The following DPYD variants were observed in gnomAD, a reference collection of about 807,000 sequenced individuals.
DPYD encodes dihydropyrimidine dehydrogenase [NADP(+)].
A neutral mutation model predicts 116.2 loss-of-function variants in DPYD; 109 were observed. That is an observed-to-expected ratio of 0.94 (90% CI 0.80 to 1.10). The LOEUF is 1.10. Among genes scored for constraint, DPYD ranks in the 50% least tolerant of loss-of-function variants. The probability of loss-of-function intolerance (pLI) is 0.00; values close to 1 mark genes in which losing one functional copy is unlikely to be tolerated. For synonymous variants in DPYD, 440 were observed against 432.0 expected, an observed-to-expected ratio of 1.02 and a Z score of -0.23; for missense variants, 1,302 against 1,254.5, an observed-to-expected ratio of 1.04 and a Z score of -0.57.
chr1:97,392,682 C>G (rs895180372), intron 14 of DPYD, among the ~76,000 whole-genome samples: 4 of 152,028 alleles, frequency 2.6e-5, no homozygotes, highest in African/African-American at 9.7e-5. Context: ...AGCATCTTCA[C>G]CAGGAGTAGA....
intron 18 of DPYD, among the ~76,000 whole-genome samples, chr1:97,246,379 G>C (rs12759500): frequency 6.6e-6 from 1 of 152,084 alleles, no homozygotes; most frequent in Non-Finnish European, 1.5e-5. Context: ...TCAGACAACA[G>C]ACACTGCTGA....
chr1:97,499,351 ATTTTT>A (rs1160715294), intron 13 of DPYD, among the ~76,000 whole-genome samples: 1 of 151,758 alleles, frequency 6.6e-6, no homozygotes, highest in Non-Finnish European at 1.5e-5. Context: ...TGAAATAAAT[ATTTTT>A]ATTTTACATC....
chr1:97,373,494 T>G, intron 16 of DPYD, 67 bp downstream of exon 16: 1 of 1,367,386 alleles, frequency 7.3e-7, no homozygotes, highest in Non-Finnish European at 1.0e-6. Flanking sequence ...TAAGGTATAG[T>G]AACTATCCAT....
chr1:97,654,926 G>C, intron 8 of DPYD, among the ~76,000 whole-genome samples: 1 of 152,052 alleles, frequency 6.6e-6, no homozygotes, highest in Admixed American at 6.6e-5. Context: ...GAGAGAATGA[G>C]AACAAAGAGA....
intron 20 of DPYD, among the ~76,000 whole-genome samples, chr1:97,161,942 G>A (rs974185133): frequency 1.3e-5 from 2 of 151,894 alleles, no homozygotes; most frequent in Non-Finnish European, 2.9e-5. Flanking sequence ...TGGTGTATAT[G>A]TGCCACATTT....
chr1:97,481,925 C>T (rs932920901), intron 13 of DPYD, among the ~76,000 whole-genome samples: 2 of 152,128 alleles, frequency 1.3e-5, no homozygotes, highest in Non-Finnish European at 2.9e-5. Context: ...CACATACAAA[C>T]ATTTCTAGAG....
intron 8 of DPYD, among the ~76,000 whole-genome samples, chr1:97,653,654 G>C (rs1316322024): frequency 6.6e-6 from 1 of 152,054 alleles, no homozygotes; most frequent in Non-Finnish European, 1.5e-5. Context: ...GTATTCTCAT[G>C]ATAATTTTTC....
intron 8 of DPYD, among the ~76,000 whole-genome samples, chr1:97,605,859 A>C (rs1655558598): frequency 6.6e-6 from 1 of 152,014 alleles, no homozygotes; most frequent in African/African-American, 2.4e-5. Flanking sequence ...TCATATGCAT[A>C]CCTTTCTTGA....
chr1:97,768,484 T>A (rs77889885), intron 3 of DPYD, among the ~76,000 whole-genome samples: 2,715 of 152,300 alleles, frequency 0.018, 86 homozygotes, highest in African/African-American at 0.062. Context: ...AAATTCACTC[T>A]TCTCTTTTAT....
chr1:97,920,690 C>T (rs748231311), intron 1 of DPYD, among the ~76,000 whole-genome samples, 194 bp downstream of exon 1: 72 of 152,232 alleles, frequency 4.7e-4, no homozygotes, highest in Non-Finnish European at 7.2e-4. Flanking sequence ...AAAGTCCTCC[C>T]CTGAGCTCCC....
chr1:97,168,405 A>T (rs532998314), intron 20 of DPYD, among the ~76,000 whole-genome samples: 43 of 152,310 alleles, frequency 2.8e-4, no homozygotes, highest in African/African-American at 1.0e-3. Context: ...TCATCAGTTA[A>T]AGCACAGGTA....
At chr1:97,456,152 AC>A (rs1676672266) in intron 13 of DPYD, among the ~76,000 whole-genome samples, 1 of 151,748 alleles carries the variant, frequency 6.6e-6, no homozygotes, top group African/African-American at 2.4e-5. Context: ...TGAGACTAGA[AC>A]TCAGGTGTGC....
chr1:97,914,791 C>T (rs1272347626), intron 1 of DPYD, among the ~76,000 whole-genome samples: 2 of 151,956 alleles, frequency 1.3e-5, no homozygotes, highest in Non-Finnish European at 1.5e-5. Context: ...TCAGAAACTC[C>T]CCAATCTCCC....
chr1:97,850,721 C>T lies in DPYD; in HGVS notation c.151-22525G>A, dbSNP rs547147536. ...TACCAATAGTGTCATCTATAGAATTCGGTCACCTATTTTTTCCAACTTAAT... is the reference window on the plus strand; with the variant it reads ...TACCAATAGTGTCATCTATAGAATTTGGTCACCTATTTTTTCCAACTTAAT... On this transcript the variant is annotated intron_variant, in intron 2 of 22. Transcript: ENST00000370192. 4.2e-4 allele frequency among the ~76,000 whole-genome samples: 64 copies of T among 150,876 alleles called. 2 individuals carry two copies. The highest frequency in any genetic ancestry group is 6.8e-3 in the Middle Eastern group (2 of 292).
chr1:97,741,668 C>A (rs1272756456), intron 3 of DPYD, among the ~76,000 whole-genome samples: 1 of 152,014 alleles, frequency 6.6e-6, no homozygotes, highest in Non-Finnish European at 1.5e-5. Context: ...ACATAGCAGA[C>A]CCTGGGATAT....
intron 2 of DPYD, among the ~76,000 whole-genome samples, chr1:97,879,974 T>C (rs1394287621): frequency 1.3e-5 from 2 of 151,694 alleles, no homozygotes; most frequent in East Asian, 1.9e-4. Context: ...CAATTATAAC[T>C]CTGTTTTGGG....
chr1:97,249,388 G>GAGAAA (rs375592101), intron 18 of DPYD, among the ~76,000 whole-genome samples: 1,728 of 151,788 alleles, frequency 0.011, 37 homozygotes, highest in African/African-American at 0.04. Context: ...AGGAAGGGGG[G>GAGAAA]AGAAAAGAAA....
intron 3 of DPYD, among the ~76,000 whole-genome samples, chr1:97,753,901 A>G (rs1411557808): frequency 1.3e-5 from 2 of 152,140 alleles, no homozygotes. Context: ...GTCCCTATCC[A>G]GTATCTGGAA....
At chr1:97,915,364 C>T (rs1230012587) in intron 1 of DPYD, among the ~76,000 whole-genome samples, 1 of 152,028 alleles carries the variant, frequency 6.6e-6, no homozygotes, top group South Asian at 2.1e-4. Context: ...TATATGTATT[C>T]ATGGTGAACT....
Sources: gnomAD v4.1 joint callset for allele counts (sites outside exome capture counted in the v4.1 genomes callset) on GRCh38, gnomAD v4.1.1 for gene constraint, MANE v1.5 for transcripts, NCBI Gene and HGNC (gene_info 2026-07-23, HGNC 2026-07-21) for gene names.